MCF2L2: variants seen among roughly 807,000 people sequenced by gnomAD.
MCF2L2 encodes the protein MCF.2 cell line derived transforming sequence-like 2.
Under a neutral mutation model 150.2 loss-of-function variants are expected in MCF2L2, and 102 were observed. The observed-to-expected ratio is 0.68, with a 90% CI of 0.58 to 0.80. The LOEUF (loss-of-function observed/expected upper bound fraction) is 0.80. Among genes scored for constraint, MCF2L2 ranks in the 30% least tolerant of loss-of-function variants. The pLI is 0.00. For synonymous variants in MCF2L2, 465 were observed against 491.3 expected (o/e 0.95, Z 0.71); for missense variants, 1,256 against 1,372.8 (o/e 0.91, Z 1.34).
chr3:183,388,973 T>C (rs151080832), intron 2 of MCF2L2, among the ~76,000 whole-genome samples: 15 of 152,220 alleles, frequency 9.9e-5, no homozygotes, highest in African/African-American at 3.4e-4. Flanking sequence ...GATGTAAAAG[T>C]TGAAAAGAGT....
intron 2 of MCF2L2, among the ~76,000 whole-genome samples, chr3:183,388,441 G>C (rs1360173706): frequency 2.6e-5 from 4 of 152,202 alleles, no homozygotes; most frequent in Non-Finnish European, 5.9e-5. Context: ...CCATGAGACT[G>C]TGCCTTCAGG....
Position 183,267,046 on chromosome 3 carries a change from A to G in MCF2L2, c.1862+9826T>C, listed in dbSNP as rs982958279. On this transcript the variant is annotated intron_variant, in intron 15 of 29. Coordinates refer to ENST00000328913, the MANE Select transcript of MCF2L2 (RefSeq NM_015078.4). This position sits in a 1 kb window ranked among gnomAD's most constrained non-coding sequence, Gnocchi z 5.5. ...AGTGATCCTCCTGCCTCGGCCTCCC[A>G]AAGCGCTAGGATTACAGGCGTGAGC... is the stretch of plus-strand genomic sequence containing the variant. 2.0e-5 allele frequency among the ~76,000 whole-genome samples: 3 copies of G among 152,122 alleles called. No homozygotes were observed. The highest frequency in any genetic ancestry group is 7.2e-5 in the African/African-American group (3 of 41,436).
chr3:183,314,082 A>T (rs1729496301), intron 7 of MCF2L2, among the ~76,000 whole-genome samples: 1 of 152,230 alleles, frequency 6.6e-6, no homozygotes, highest in Non-Finnish European at 1.5e-5. Context: ...GCTTGTGTTT[A>T]CAAGACTTGC....
chr3:183,251,543 T>C (rs1374596160), intron 15 of MCF2L2, among the ~76,000 whole-genome samples: 2 of 152,186 alleles, frequency 1.3e-5, no homozygotes, highest in Admixed American at 6.5e-5. Context: ...ATAGATCTAA[T>C]CACAGGGCTC....
chr3:183,233,393 G>GAT (rs139692115), intron 15 of MCF2L2, among the ~76,000 whole-genome samples: 14 of 150,854 alleles, frequency 9.3e-5, no homozygotes, highest in African/African-American at 2.2e-4. Flanking sequence ...GATATAGATA[G>GAT]ATATATGTGT....
intron 3 of MCF2L2, among the ~76,000 whole-genome samples, chr3:183,354,860 G>T (rs1403432229): frequency 2.0e-5 from 3 of 152,098 alleles, no homozygotes; most frequent in Non-Finnish European, 4.4e-5. Context: ...GCCCTTTTGA[G>T]TCAACATAGG....
intron 14 of MCF2L2, among the ~76,000 whole-genome samples, chr3:183,288,769 C>T (rs148981316): frequency 1.3e-5 from 2 of 152,208 alleles, no homozygotes; most frequent in Admixed American, 6.5e-5. Context: ...CGTGAACCAC[C>T]GCGCCCGGCC....
chr3:183,278,589 G>A (rs1002814187), intron 14 of MCF2L2, among the ~76,000 whole-genome samples: 5 of 152,162 alleles, frequency 3.3e-5, no homozygotes, highest in African/African-American at 1.2e-4. Flanking sequence ...TTTGAACTCA[G>A]TCTTACTCAT....
intron 1 of MCF2L2, among the ~76,000 whole-genome samples, chr3:183,396,147 TCTA>T (rs1002948524): frequency 6.6e-6 from 1 of 151,748 alleles, no homozygotes; most frequent in African/African-American, 2.4e-5. Context: ...GCCCTGGAAA[TCTA>T]CTCTTTTAAC....
At chr3:183,310,308 CTGGCT>C (rs1729305432) in intron 9 of MCF2L2, among the ~76,000 whole-genome samples, 1 of 152,162 alleles carries the variant, frequency 6.6e-6, no homozygotes, top group Non-Finnish European at 1.5e-5. Context: ...TGAGACCATC[CTGGCT>C]AACACAGTGA....
intron 3 of MCF2L2, among the ~76,000 whole-genome samples, chr3:183,351,319 G>C (rs1577083173): frequency 1.4e-5 from 2 of 147,378 alleles, no homozygotes; most frequent in East Asian, 4.0e-4. Context: ...CAAGTAGCTG[G>C]GACTACAGGT....
intron 10 of MCF2L2, among the ~76,000 whole-genome samples, chr3:183,306,615 G>A (rs1172639484): frequency 2.0e-5 from 3 of 152,246 alleles, no homozygotes; most frequent in African/African-American, 7.2e-5. Flanking sequence ...CCACAGGGAT[G>A]GAGTGTGTGT....
chr3:183,402,739 A>G (rs886402624), intron 1 of MCF2L2, among the ~76,000 whole-genome samples: 9 of 152,016 alleles, frequency 5.9e-5, no homozygotes, highest in African/African-American at 2.2e-4. Context: ...AGAATGAAAC[A>G]AGACCAAGAA....
At position 183,227,649 on chromosome 3, in the gene MCF2L2, G is replaced by C. The variant is rs1171676529; in HGVS notation, c.2115+648C>G. ...GAGGATCCTCTGCTTTGGGGACCAT[G>C]GATGGCCAGCCTTCCATTTCATGGG... On this transcript the variant is annotated intron_variant, in intron 18 of 29. Transcript: ENST00000328913. The surrounding 1 kb of genome is among the most constrained non-coding windows in gnomAD (Gnocchi z 4.0). 6.6e-6 allele frequency: 1 copy of C among 152,150 alleles called. No homozygotes were observed. The highest frequency in any genetic ancestry group is 2.1e-4 in the South Asian group (1 of 4,828). 9.4% of individuals were successfully genotyped at this position (152,150 alleles called of 1,614,324 possible).
At position 183,389,758 on chromosome 3, in the gene MCF2L2, A is replaced by G. The variant is rs1553793407; in HGVS notation, c.98T>C (p.Val33Ala). The G allele has an allele frequency of 3.7e-6, 6 of 1,614,126 alleles. No homozygotes were observed. Among genetic ancestry groups the G allele is most frequent in the Non-Finnish European group, 5.1e-6 (6 of 1,179,944 alleles). Reference sequence around the variant, plus strand: ...TATCTCCACCGCCATCAGGGGTCTGACTTCCTGCTGCATAATTTCATCTGC... The same window carrying G: ...TATCTCCACCGCCATCAGGGGTCTGGCTTCCTGCTGCATAATTTCATCTGC... Reference protein sequence around the residue: ...THVDEIMQQEVRPLMAVEIIE... With the variant: ...THVDEIMQQEARPLMAVEIIE... Residue 33 changes from valine (V) to alanine (A), a missense_variant, in exon 2 of 30, where the codon GTC (valine) becomes GCC (alanine). By Grantham distance (64) the Val-to-Ala change is moderately conservative. Transcript: ENST00000328913.
intron 22 of MCF2L2, among the ~76,000 whole-genome samples, chr3:183,211,053 G>A (rs1396382970): frequency 1.3e-5 from 2 of 152,086 alleles, no homozygotes; most frequent in African/African-American, 4.8e-5. Flanking sequence ...TAAACGAGAA[G>A]GAAACAGAAC....
chr3:183,193,772 C>T (rs868535561), intron 26 of MCF2L2, among the ~76,000 whole-genome samples: 1 of 152,148 alleles, frequency 6.6e-6, no homozygotes, highest in African/African-American at 2.4e-5. Context: ...TTGGGTTAGA[C>T]GAATCCAGTG....
intron 15 of MCF2L2, 144 bp from the exon 16 acceptor site, chr3:183,231,161 G>A (rs1395703988): frequency 2.8e-6 from 2 of 709,716 alleles, no homozygotes; most frequent in Non-Finnish European, 5.1e-6. Context: ...AGTTCATTCT[G>A]TTCTATTGAA....
At chr3:183,375,493 A>AT (rs1713142742) in intron 3 of MCF2L2, 1 of 152,190 alleles carries the variant, frequency 6.6e-6, no homozygotes, top group Non-Finnish European at 1.5e-5. Flanking sequence ...AAAGATATTG[A>AT]TAACAGAGTC....
Sources: allele counts gnomAD v4.1 joint callset (sites outside exome capture counted in the v4.1 genomes callset), GRCh38; gene constraint gnomAD v4.1.1; non-coding constraint Gnocchi (gnomAD v3.1); transcripts MANE v1.5; gene names NCBI Gene and HGNC (gene_info 2026-07-23, HGNC 2026-07-21).